MTDH: variants seen among roughly 807,000 people sequenced by gnomAD.
MTDH encodes protein LYRIC.
Under a neutral mutation model 72.7 loss-of-function variants are expected in MTDH, and 34 were observed. The observed-to-expected ratio is 0.47, with a 90% CI of 0.36 to 0.62. MTDH has a LOEUF of 0.62. Among genes scored for constraint, MTDH ranks in the 20% least tolerant of loss-of-function variants. MTDH has a pLI of 0.00. For missense variants in MTDH, 677 were observed against 699.4 expected (o/e 0.97, Z 0.36); for synonymous variants, 266 against 268.9 (o/e 0.99, Z 0.10).
chr8:97,687,051 C>T (rs186460683), intron 3 of MTDH, among the ~76,000 whole-genome samples: 1 of 151,954 alleles, frequency 6.6e-6, no homozygotes, highest in African/African-American at 2.4e-5. Context: ...GTTTTTCCCC[C>T]GTGGTTCTTA....
At chr8:97,656,085 C>T (rs1811958485) in intron 1 of MTDH, among the ~76,000 whole-genome samples, 1 of 152,012 alleles carries the variant, frequency 6.6e-6, no homozygotes, top group African/African-American at 2.4e-5. Flanking sequence ...AGTTTCTAAA[C>T]CTAAGAAGTT....
In MTDH at chr8:97,644,211, A is replaced by G. The variant is rs971742509; in HGVS notation, c.-296A>G. 2 of 408,040 alleles carry G rather than the reference A, an allele frequency of 4.9e-6. No homozygotes were observed. Among genetic ancestry groups the G allele is most frequent in the South Asian group, 3.5e-5 (1 of 28,714 alleles). 25.3% of individuals were successfully genotyped at this position (408,040 alleles called of 1,614,324 possible). A position where few individuals can be genotyped will look rare whatever the true frequency, so the allele number is the denominator to read the frequency against. ...GCCGCCATTGTTCCGCCGAGGGAGGACAGCGGGGCCTGGCGCTGGCGCCGA... is the reference window on the plus strand; with the variant it reads ...GCCGCCATTGTTCCGCCGAGGGAGGGCAGCGGGGCCTGGCGCTGGCGCCGA... On this transcript the variant is annotated 5_prime_UTR_variant, in exon 1 of 12. Coordinates refer to ENST00000336273, the MANE Select transcript of MTDH (RefSeq NM_178812.4).
At chr8:97,671,111 G>A (rs1170628684) in intron 2 of MTDH, among the ~76,000 whole-genome samples, 2 of 152,094 alleles carry the variant, frequency 1.3e-5, no homozygotes, top group Non-Finnish European at 2.9e-5. Context: ...GACTACAGGC[G>A]CCCACCACCG....
intron 2 of MTDH, among the ~76,000 whole-genome samples, chr8:97,671,444 ATT>A (rs199892237): frequency 6.6e-6 from 1 of 151,684 alleles, no homozygotes; most frequent in Non-Finnish European, 1.5e-5. Flanking sequence ...GTTCTCGCAA[ATT>A]TTTTTTTGTT....
intron 11 of MTDH, among the ~76,000 whole-genome samples, chr8:97,724,292 G>C (rs1303135878): frequency 6.6e-6 from 1 of 151,830 alleles, no homozygotes; most frequent in African/African-American, 2.4e-5. Context: ...GCTACCTTTA[G>C]TATCCATTTT....
At chr8:97,711,034 G>A (rs1370089431) in intron 8 of MTDH, among the ~76,000 whole-genome samples, 1 of 152,022 alleles carries the variant, frequency 6.6e-6, no homozygotes, top group Admixed American at 6.6e-5. Flanking sequence ...AAGATACAGA[G>A]AAGATTGGCA....
chr8:97,723,292 G>T (rs908475840), intron 11 of MTDH, among the ~76,000 whole-genome samples: 4 of 151,622 alleles, frequency 2.6e-5, no homozygotes, highest in Admixed American at 2.0e-4. Flanking sequence ...CAGCTACTCG[G>T]GAGGCTGAGG....
chr8:97,654,238 TG>T (rs1164382757), intron 1 of MTDH, among the ~76,000 whole-genome samples: 2 of 152,200 alleles, frequency 1.3e-5, no homozygotes, highest in Non-Finnish European at 2.9e-5. Flanking sequence ...AGTTTGAAAT[TG>T]GGGTTGAACT....
chr8:97,671,073 C>G (rs1243096190), intron 2 of MTDH, among the ~76,000 whole-genome samples: 1 of 147,644 alleles, frequency 6.8e-6, no homozygotes, highest in African/African-American at 2.5e-5. Flanking sequence ...TCACGCCATT[C>G]TCCTGCCTCA....
chr8:97,718,999 A>C, intron 9 of MTDH, 50 bp from the exon 10 acceptor site: 1 of 1,498,338 alleles, frequency 6.7e-7, no homozygotes, highest in Non-Finnish European at 9.0e-7. Context: ...GATTTTAATT[A>C]ATGAAGAATG....
At chr8:97,655,262 TCTTC>T (rs1224460766) in intron 1 of MTDH, among the ~76,000 whole-genome samples, 1 of 152,232 alleles carries the variant, frequency 6.6e-6, no homozygotes, top group Non-Finnish European at 1.5e-5. Flanking sequence ...TGTATACCTG[TCTTC>T]CTTTACTAGG....
intron 1 of MTDH, among the ~76,000 whole-genome samples, chr8:97,647,585 C>A (rs1006266659): frequency 6.6e-6 from 1 of 152,070 alleles, no homozygotes; most frequent in African/African-American, 2.4e-5. Context: ...GCCTGAGAAA[C>A]AACAAAGGCC....
intron 2 of MTDH, among the ~76,000 whole-genome samples, chr8:97,677,753 T>G (rs1267740918): frequency 6.6e-6 from 1 of 152,232 alleles, no homozygotes; most frequent in Non-Finnish European, 1.5e-5. Flanking sequence ...TATTCTAATT[T>G]AGCAAGATAT....
chr8:97,644,839 C>G lies in MTDH; in HGVS notation c.333C>G (p.Ser111Arg), dbSNP rs575610145. 5 of 1,577,114 alleles carry G rather than the reference C, an allele frequency of 3.2e-6. No individual in the cohort carries two copies. The highest frequency in any genetic ancestry group is 1.4e-5 in the African/African-American group (1 of 70,008). Reference protein sequence around the residue: ...DDLALLKNLRSEEQKKKNRKK... With the variant: ...DDLALLKNLRREEQKKKNRKK... ...TGGCCTTGCTGAAGAATCTCCGGAG[C>G]GAGGAACAGAAGAAGAAGAACCGGA... Residue 111 changes from serine (S) to arginine (R), a missense_variant, in exon 1 of 12, where the codon AGC becomes AGG. Physicochemically the swap from Ser to Arg is moderately radical, Grantham distance 110 (BLOSUM62 -1). Coordinates refer to ENST00000336273, the MANE Select transcript of MTDH (RefSeq NM_178812.4).
rs1284741237 is a variant in MTDH, at chr8:97,726,197, C to CT, written c.*1531dup. The CT allele has an allele frequency of 1.3e-5, 2 of 152,616 alleles. No homozygotes were observed. Among genetic ancestry groups the CT allele is most frequent in the Non-Finnish European group, 2.9e-5 (2 of 68,036 alleles). 9.5% of individuals were successfully genotyped at this position (152,616 alleles called of 1,614,324 possible). ...AGCTTTCCTAACAAGAGATTATTAACTTTTATCAGGTGTTAACATCTGTTT... is the reference window on the plus strand; with the variant it reads ...AGCTTTCCTAACAAGAGATTATTAACTTTTTATCAGGTGTTAACATCTGTTT... On this transcript the variant is annotated 3_prime_UTR_variant, in exon 12 of 12. Coordinates refer to ENST00000336273, the MANE Select transcript of MTDH (RefSeq NM_178812.4).
At chr8:97,687,720 G>C (rs1056920842) in intron 4 of MTDH, 115 bp downstream of exon 4, 8 of 863,204 alleles carry the variant, frequency 9.3e-6, no homozygotes, top group Non-Finnish European at 1.4e-5. Context: ...TCATTGTGCT[G>C]ATATACCCTT....
At position 97,722,878 on chromosome 8, in the gene MTDH, G is replaced by A. The variant is rs1347577346; in HGVS notation, c.1522-1G>A. 3 of 1,584,538 alleles carry A rather than the reference G, an allele frequency of 1.9e-6. No individual in the cohort carries two copies. Among genetic ancestry groups the A allele is most frequent in the African/African-American group, 2.7e-5 (2 of 73,250 alleles). On this transcript the variant is annotated splice_acceptor_variant, in intron 10 of 11. Transcript: ENST00000336273. LOFTEE classifies it high-confidence loss of function. ...CCTGAGATGATTTTTTCCTAAAATA[G>A]CCTATCAAGACTCTTCCACCTGCTA...
chr8:97,650,466 CG>C (rs927400439), intron 1 of MTDH, among the ~76,000 whole-genome samples: 11 of 151,846 alleles, frequency 7.2e-5, no homozygotes, highest in African/African-American at 2.7e-4. Context: ...GTAGAGATGG[CG>C]TTTTGCTATG....
rs989162370 is a variant in MTDH at position 97,727,854 on chromosome 8, G to T, written c.*3184G>T. 1.3e-4 allele frequency: 19 copies of T among 151,916 alleles called. No individual in the cohort carries two copies. The highest frequency in any genetic ancestry group is 4.1e-4 in the African/African-American group (17 of 41,330). 9.4% of individuals were successfully genotyped at this position (151,916 alleles called of 1,614,324 possible). On this transcript the variant is annotated 3_prime_UTR_variant, in exon 12 of 12. Transcript: ENST00000336273. ...CCTACCTATCTGTACCGACAATTGA[G>T]CAAACAACAGTTGAGAGAGTCCAAA...
Sources: allele counts gnomAD v4.1 joint callset (sites outside exome capture counted in the v4.1 genomes callset), GRCh38; gene constraint gnomAD v4.1.1; transcripts MANE v1.5; gene names NCBI Gene and HGNC (gene_info 2026-07-23, HGNC 2026-07-21).